The following ANP32B variants were observed in gnomAD, a reference collection of about 807,000 sequenced individuals.
ANP32B encodes the protein acidic leucine-rich nuclear phosphoprotein 32 family member B.
Under a neutral mutation model 32.2 loss-of-function variants are expected in ANP32B, and 6 were observed. The ratio of observed to expected loss-of-function variants is 0.19; its 90% CI spans 0.10 to 0.37. ANP32B has a LOEUF of 0.37. Among genes scored for constraint, ANP32B ranks in the 10% least tolerant of loss-of-function variants. ANP32B has a pLI of 1.00. For missense variants in ANP32B, 204 were observed against 289.2 expected, an observed-to-expected ratio of 0.71 and a Z score of 2.14; for synonymous variants, 98 against 105.8, an observed-to-expected ratio of 0.93 and a Z score of 0.45.
intron 6 of ANP32B, among the ~76,000 whole-genome samples, chr9:98,014,116 A>T (rs983053042): frequency 6.6e-6 from 1 of 152,108 alleles, no homozygotes; most frequent in South Asian, 2.1e-4. Context: ...TTTACACTAG[A>T]TATTACCCTG....
intron 1 of ANP32B, among the ~76,000 whole-genome samples, chr9:97,984,345 A>C (rs1260002530): frequency 2.0e-5 from 3 of 150,926 alleles, no homozygotes; most frequent in African/African-American, 7.3e-5. Context: ...CAAAAATAAA[A>C]CTTTCTCCCC....
At chr9:98,013,577 C>T (rs1828223832) in intron 6 of ANP32B, among the ~76,000 whole-genome samples, 1 of 152,184 alleles carries the variant, frequency 6.6e-6, no homozygotes, top group African/African-American at 2.4e-5. Context: ...GCCTGGACAA[C>T]ATAGACCCTG....
intron 3 of ANP32B, among the ~76,000 whole-genome samples, chr9:98,003,589 C>T (rs1828029724): frequency 6.6e-6 from 1 of 152,202 alleles, no homozygotes; most frequent in Non-Finnish European, 1.5e-5. Flanking sequence ...CAGATTTTCA[C>T]ACCATTTTAT....
Position 97,983,359 on chromosome 9 carries a change from C to T in ANP32B, c.-197C>T, listed in dbSNP as rs1014187759. ...CAGCCCCCTTTTCCCTCCATGGTTTCTCTCCGCTCCCGTGAGTAACTTGGC... is the reference window on the plus strand; with the variant it reads ...CAGCCCCCTTTTCCCTCCATGGTTTTTCTCCGCTCCCGTGAGTAACTTGGC... On this transcript the variant is annotated 5_prime_UTR_variant, in exon 1 of 7. Coordinates refer to ENST00000339399, the MANE Select transcript of ANP32B (RefSeq NM_006401.3). 1.3e-5 allele frequency: 7 copies of T among 540,410 alleles called. No individual in the cohort carries two copies. In the East Asian group the frequency reaches 2.5e-4, roughly 19 times the overall value. The allele number at this position is 540,410 out of a possible 1,614,324, so 33.5% of individuals were successfully genotyped here.
chr9:97,985,456 C>T (rs957326657), intron 1 of ANP32B, among the ~76,000 whole-genome samples: 2 of 152,128 alleles, frequency 1.3e-5, no homozygotes, highest in Non-Finnish European at 2.9e-5. Flanking sequence ...ATTTTGTGCC[C>T]GCCACGTGCT....
intron 1 of ANP32B, chr9:97,984,655 G>C (rs1190625021): frequency 2.7e-5 from 4 of 150,620 alleles, no homozygotes; most frequent in African/African-American, 9.7e-5. Context: ...CGCCCTCGGC[G>C]CTGGCTGGCG....
chr9:97,991,537 C>G (rs1000113159), intron 1 of ANP32B, among the ~76,000 whole-genome samples: 9 of 152,148 alleles, frequency 5.9e-5, no homozygotes, highest in Admixed American at 5.9e-4. Context: ...AAGATATCCT[C>G]AAGAACAAGA....
rs1378002702 is a variant in ANP32B, at chr9:97,984,937, C to T, written c.54+1328C>T. Among the ~76,000 whole-genome samples the T allele has an allele frequency of 2.0e-5, 3 of 151,158 alleles. No individual in the cohort carries two copies. The South Asian group carries it at 6.2e-4, about 31-fold the overall frequency. On this transcript the variant is annotated intron_variant, in intron 1 of 6. Transcript: ENST00000339399. ...CTTGAGAGCGGCCTGGTGCGGTCGG[C>T]CGCGCGCCTTGCGGGCTGTAGGGGC...
intron 2 of ANP32B, among the ~76,000 whole-genome samples, chr9:97,995,638 A>G (rs570874339): frequency 1.6e-3 from 236 of 152,076 alleles, no homozygotes; most frequent in African/African-American, 5.3e-3. Context: ...ATAATACATG[A>G]GGCCAGTCAT....
intron 1 of ANP32B, among the ~76,000 whole-genome samples, chr9:97,985,051 TGCCCGCCGTCGCGA>T (rs1300433455): frequency 1.4e-5 from 2 of 147,996 alleles, no homozygotes; most frequent in Non-Finnish European, 3.0e-5. Flanking sequence ...TTAGCGCGGC[TGCCCGCCGTCGCGA>T]GCCCCCCCCC....
intron 5 of ANP32B, 97 bp downstream of exon 5, chr9:98,011,486 G>A: frequency 1.4e-6 from 2 of 1,469,926 alleles, no homozygotes; most frequent in Non-Finnish European, 1.8e-6. Flanking sequence ...AACACCTTTT[G>A]AAGAAATTAG....
rs1253511342 is a variant in ANP32B at position 97,983,370 on chromosome 9, C to T, written c.-186C>T. 5.4e-6 allele frequency: 3 copies of T among 557,440 alleles called. No homozygotes were observed. The highest frequency in any genetic ancestry group is 9.6e-6 in the Non-Finnish European group (3 of 312,904). 34.5% of individuals were successfully genotyped at this position (557,440 alleles called of 1,614,324 possible). On this transcript the variant is annotated 5_prime_UTR_variant, in exon 1 of 7. Coordinates refer to ENST00000339399, the MANE Select transcript of ANP32B (RefSeq NM_006401.3). ...TCCCTCCATGGTTTCTCTCCGCTCCCGTGAGTAACTTGGCTCCGGGGGCTC... is the reference window on the plus strand; with the variant it reads ...TCCCTCCATGGTTTCTCTCCGCTCCTGTGAGTAACTTGGCTCCGGGGGCTC...
At chr9:98,005,834 C>T (rs1313117170) in intron 4 of ANP32B, among the ~76,000 whole-genome samples, 1 of 152,176 alleles carries the variant, frequency 6.6e-6, no homozygotes, top group Non-Finnish European at 1.5e-5. Flanking sequence ...CTTCCTACTT[C>T]AGGGGTCTTC....
intron 1 of ANP32B, among the ~76,000 whole-genome samples, chr9:97,993,785 G>A (rs1284672763): frequency 6.6e-6 from 1 of 152,096 alleles, no homozygotes; most frequent in African/African-American, 2.4e-5. Flanking sequence ...ACAGGCACTC[G>A]CCATCTTGCC....
At chr9:97,985,947 G>T (rs996009848) in intron 1 of ANP32B, among the ~76,000 whole-genome samples, 1 of 151,954 alleles carries the variant, frequency 6.6e-6, no homozygotes, top group Non-Finnish European at 1.5e-5. Context: ...TCAACCTCCC[G>T]CGTAGCTGGG....
intron 2 of ANP32B, among the ~76,000 whole-genome samples, chr9:97,995,436 T>C (rs1387653392): frequency 6.6e-6 from 1 of 152,236 alleles, no homozygotes. Context: ...GCCATTTCAA[T>C]ATTCGCTTTA....
chr9:98,015,853 TA>T lies in ANP32B; in HGVS notation c.*423del, dbSNP rs770819317. The T allele has an allele frequency of 1.2e-4, 118 of 954,652 alleles. No homozygotes were observed. The highest frequency in any genetic ancestry group is 1.2e-4 in the African/African-American group (6 of 48,410). 59.1% of individuals were successfully genotyped at this position (954,652 alleles called of 1,614,324 possible). A position where few individuals can be genotyped will look rare whatever the true frequency, so the allele number is the denominator to read the frequency against. ...TGCTTTGCTTTTTAATTATTATTAT[TA>T]TTTTTTTTACATTAGGACATTTTAT... On this transcript the variant is annotated 3_prime_UTR_variant, in exon 7 of 7. Transcript: ENST00000339399.
intron 1 of ANP32B, among the ~76,000 whole-genome samples, chr9:97,983,929 G>A (rs1448306323): frequency 2.6e-5 from 4 of 151,948 alleles, no homozygotes; most frequent in Non-Finnish European, 4.4e-5. Flanking sequence ...GGAGGCGGGG[G>A]TTGTGTAACG....
At chr9:98,003,741 T>A (rs543549339) in intron 3 of ANP32B, among the ~76,000 whole-genome samples, 1 of 152,352 alleles carries the variant, frequency 6.6e-6, no homozygotes, top group South Asian at 2.1e-4. Flanking sequence ...ATTTATTTTT[T>A]TAGAAATTAT....
Sources: gnomAD v4.1 joint callset for allele counts (sites outside exome capture counted in the v4.1 genomes callset) on GRCh38, gnomAD v4.1.1 for gene constraint, MANE v1.5 for transcripts, NCBI Gene and HGNC (gene_info 2026-07-23, HGNC 2026-07-21) for gene names.